DACH2: variants seen among roughly 807,000 people sequenced by gnomAD.
DACH2 encodes dachshund homolog 2.
A neutral mutation model predicts 35.8 loss-of-function variants in DACH2; 17 were observed. That is an observed-to-expected ratio of 0.48 (90% confidence interval 0.33 to 0.71). The LOEUF is 0.71. DACH2 is among the 30% of genes least tolerant of loss of function. The pLI, the probability that DACH2 is intolerant of heterozygous loss-of-function variation, is 0.02. For synonymous variants in DACH2, 195 were observed against 177.3 expected, an observed-to-expected ratio of 1.10 and a Z score of -0.79; for missense variants, 469 against 472.7, an observed-to-expected ratio of 0.99 and a Z score of 0.07.
At chrX:86,262,589 C>T (rs1400043156) in intron 1 of DACH2, among the ~76,000 whole-genome samples, 1 of 107,772 alleles carries the variant, frequency 9.3e-6, no homozygotes, top group Non-Finnish European at 1.9e-5. Context: ...ACATTTTCAA[C>T]AAAATAAATA....
chrX:86,795,359 G>A (rs918467045), intron 7 of DACH2, among the ~76,000 whole-genome samples: 3 of 107,363 alleles, frequency 2.8e-5, no homozygotes, highest in Admixed American at 1.0e-4. Flanking sequence ...TCAGCCTCCC[G>A]AGTAACTGGG....
At chrX:86,157,813 T>A (rs2030601168) in intron 1 of DACH2, among the ~76,000 whole-genome samples, 1 of 111,341 alleles carries the variant, frequency 9.0e-6, no homozygotes, top group Non-Finnish European at 1.9e-5. Flanking sequence ...TTTAGAAAAA[T>A]TTATTTTTAT....
At chrX:86,456,417 A>C (rs1434564756) in intron 2 of DACH2, among the ~76,000 whole-genome samples, 1 of 111,848 alleles carries the variant, frequency 8.9e-6, no homozygotes, top group Non-Finnish European at 1.9e-5. Flanking sequence ...AAACTAATCC[A>C]AGTCCATTTT....
intron 7 of DACH2, among the ~76,000 whole-genome samples, chrX:86,757,777 A>C: frequency 9.0e-6 from 1 of 111,634 alleles, no homozygotes; most frequent in Non-Finnish European, 1.9e-5. Flanking sequence ...TTAGCCTTCC[A>C]CCATGATTGT....
At chrX:86,777,485 C>T (rs1040601871) in intron 7 of DACH2, among the ~76,000 whole-genome samples, 1 of 111,647 alleles carries the variant, frequency 9.0e-6, no homozygotes, top group Non-Finnish European at 1.9e-5. Flanking sequence ...GGAAGACACA[C>T]TTCCTGATAT....
intron 3 of DACH2, among the ~76,000 whole-genome samples, chrX:86,636,626 A>G (rs1422462799): frequency 9.0e-6 from 1 of 111,649 alleles, no homozygotes; most frequent in African/African-American, 3.3e-5. Context: ...TGCCTATTCA[A>G]TAAATGATGC....
chrX:86,167,416 T>C (rs970329673), intron 1 of DACH2, among the ~76,000 whole-genome samples: 1 of 110,122 alleles, frequency 9.1e-6, no homozygotes, highest in Non-Finnish European at 1.9e-5. Flanking sequence ...CTTTTTTCAT[T>C]GCTAATTGTA....
At chrX:86,472,349 C>A (rs1381710890) in intron 2 of DACH2, among the ~76,000 whole-genome samples, 7 of 111,576 alleles carry the variant, frequency 6.3e-5, no homozygotes, top group Non-Finnish European at 1.3e-4. Flanking sequence ...TACAGGCAAC[C>A]TCTAGAAAGT....
At chrX:86,158,645 A>C (rs747708232) in intron 1 of DACH2, among the ~76,000 whole-genome samples, 1 of 110,244 alleles carries the variant, frequency 9.1e-6, no homozygotes, top group Admixed American at 9.8e-5. Flanking sequence ...CTGTTCTTTC[A>C]TGGACCATAC....
intron 3 of DACH2, among the ~76,000 whole-genome samples, chrX:86,614,394 TA>T (rs1252140556): frequency 9.0e-6 from 1 of 111,390 alleles, no homozygotes; most frequent in Admixed American, 9.6e-5. Flanking sequence ...TTAAGAAAAA[TA>T]TAATATTGTG....
chrX:86,706,076 A>G (rs1044834183), intron 5 of DACH2, among the ~76,000 whole-genome samples: 1 of 110,906 alleles, frequency 9.0e-6, no homozygotes. Context: ...GGTATAATGG[A>G]CATTGTAGAA....
intron 1 of DACH2, among the ~76,000 whole-genome samples, chrX:86,329,279 A>G (rs754126610): frequency 3.7e-4 from 40 of 107,630 alleles, no homozygotes; most frequent in Admixed American, 5.8e-4. Flanking sequence ...ATGAAGGGGG[A>G]AAAAAAAATG....
At chrX:86,370,128 C>A (rs2035864683) in intron 1 of DACH2, among the ~76,000 whole-genome samples, 1 of 111,010 alleles carries the variant, frequency 9.0e-6, no homozygotes, top group African/African-American at 3.3e-5. Context: ...TTTACAGTGT[C>A]ATTGGAAAAG....
chrX:86,602,051 A>C (rs1384934518), intron 3 of DACH2, among the ~76,000 whole-genome samples: 1 of 112,403 alleles, frequency 8.9e-6, no homozygotes, highest in Non-Finnish European at 1.9e-5. Context: ...CATGACCAGC[A>C]ACTACTGATC....
intron 1 of DACH2, among the ~76,000 whole-genome samples, chrX:86,294,042 C>G (rs1435416957): frequency 4.5e-5 from 5 of 111,821 alleles, no homozygotes; most frequent in Middle Eastern, 4.6e-3. Flanking sequence ...TCCATTCTCC[C>G]CGTCACTTTC....
chrX:86,314,756 C>T (rs1213064535), intron 1 of DACH2, among the ~76,000 whole-genome samples: 1 of 111,947 alleles, frequency 8.9e-6, no homozygotes, highest in African/African-American at 3.2e-5. Flanking sequence ...TCAGCCACAA[C>T]ATTCCCTTAA....
At chrX:86,345,750 G>C (rs1362490510) in intron 1 of DACH2, among the ~76,000 whole-genome samples, 1 of 111,618 alleles carries the variant, frequency 9.0e-6, no homozygotes, top group African/African-American at 3.3e-5. Context: ...ACCCAAGAAT[G>C]CAGACATTTC....
At chrX:86,695,626 C>T (rs2041059523) in intron 5 of DACH2, among the ~76,000 whole-genome samples, 1 of 109,587 alleles carries the variant, frequency 9.1e-6, no homozygotes, top group South Asian at 4.0e-4. Context: ...TCTCCTGCCT[C>T]AGCCTCCCAA....
intron 1 of DACH2, among the ~76,000 whole-genome samples, chrX:86,357,209 G>A (rs1468869346): frequency 8.9e-6 from 1 of 112,132 alleles, no homozygotes; most frequent in Non-Finnish European, 1.9e-5. Context: ...ACTTGAAATG[G>A]TCCTCTGAGT....
Sources: allele counts gnomAD v4.1 joint callset (sites outside exome capture counted in the v4.1 genomes callset), GRCh38; gene constraint gnomAD v4.1.1; transcripts MANE v1.5; gene names NCBI Gene and HGNC (gene_info 2026-07-23, HGNC 2026-07-21).